The following FAR2 variants were observed in gnomAD, a reference collection of about 807,000 sequenced individuals.
The protein encoded by FAR2 is epididymis secretory protein Li 81.
A neutral mutation model predicts 56.0 loss-of-function variants in FAR2; 19 were observed. That is an observed-to-expected ratio of 0.34 (90% CI 0.24 to 0.50). FAR2 has a LOEUF of 0.50. Ranked by LOEUF, FAR2 falls within the 20% of genes least tolerant of loss-of-function variation. The pLI is 0.98. For synonymous variants in FAR2, 219 were observed against 218.8 expected (o/e 1.00, Z -0.01); for missense variants, 508 against 642.2 (o/e 0.79, Z 2.26).
At chr12:29,195,797 G>GT (rs1378921343) in intron 1 of FAR2, among the ~76,000 whole-genome samples, 2 of 152,062 alleles carry the variant, frequency 1.3e-5, no homozygotes, top group Non-Finnish European at 2.9e-5. Flanking sequence ...GGCTTTTAGT[G>GT]TAACTATCAC....
chr12:29,276,275 A>T (rs1948703383), intron 2 of FAR2, among the ~76,000 whole-genome samples: 1 of 152,178 alleles, frequency 6.6e-6, no homozygotes, highest in South Asian at 2.1e-4. Context: ...GTTAGGCTGT[A>T]TACTAAGTTA....
At chr12:29,200,764 A>C (rs530642029) in intron 1 of FAR2, among the ~76,000 whole-genome samples, 42 of 152,302 alleles carry the variant, frequency 2.8e-4, no homozygotes, top group Non-Finnish European at 1.6e-4. Context: ...CCTTTGATGT[A>C]CCGTGGGTGC....
At chr12:29,192,773 A>G (rs888305145) in intron 1 of FAR2, among the ~76,000 whole-genome samples, 6 of 152,204 alleles carry the variant, frequency 3.9e-5, no homozygotes, top group African/African-American at 1.4e-4. Context: ...TGTGTAAGGG[A>G]TGAGGTCGAT....
chr12:29,320,831 G>T (rs541996081), intron 9 of FAR2, among the ~76,000 whole-genome samples: 2 of 152,324 alleles, frequency 1.3e-5, no homozygotes, highest in South Asian at 4.1e-4. Flanking sequence ...TCTGGTCCAA[G>T]TCCTGACCAC....
At chr12:29,163,529 A>T (rs780737420) in intron 1 of FAR2, among the ~76,000 whole-genome samples, 9 of 152,232 alleles carry the variant, frequency 5.9e-5, no homozygotes, top group Non-Finnish European at 1.0e-4. Context: ...CATCAGATAA[A>T]CGACTAGATT....
intron 4 of FAR2, among the ~76,000 whole-genome samples, chr12:29,302,711 AT>A (rs1307659186): frequency 6.6e-6 from 1 of 152,150 alleles, no homozygotes; most frequent in Non-Finnish European, 1.5e-5. Flanking sequence ...TGTTTTCATC[AT>A]GGAAAAATAC....
chr12:29,150,231 T>C (rs1949671711), intron 1 of FAR2, among the ~76,000 whole-genome samples: 1 of 152,160 alleles, frequency 6.6e-6, no homozygotes, highest in Non-Finnish European at 1.5e-5. Context: ...CCCAATCGTA[T>C]CCTACAAACC....
intron 2 of FAR2, among the ~76,000 whole-genome samples, chr12:29,271,298 A>G (rs1948614404): frequency 6.6e-6 from 1 of 152,202 alleles, no homozygotes; most frequent in South Asian, 2.1e-4. Flanking sequence ...AGGCAGTATA[A>G]CCTTGGGTCT....
intron 2 of FAR2, among the ~76,000 whole-genome samples, chr12:29,278,626 G>T (rs935656925): frequency 1.3e-5 from 2 of 152,040 alleles, no homozygotes; most frequent in Admixed American, 1.3e-4. Flanking sequence ...GGGACTACAG[G>T]CATGAGCCAC....
chr12:29,220,059 A>G (rs925400182), intron 1 of FAR2, among the ~76,000 whole-genome samples: 2 of 152,222 alleles, frequency 1.3e-5, no homozygotes, highest in African/African-American at 4.8e-5. Flanking sequence ...CCTGCACATT[A>G]CAAATGATCC....
chr12:29,316,576 G>A (rs1162335024), intron 8 of FAR2, among the ~76,000 whole-genome samples: 7 of 152,152 alleles, frequency 4.6e-5, no homozygotes, highest in Admixed American at 1.3e-4. Flanking sequence ...GTACCTCCTT[G>A]TATTGACAAG....
chr12:29,209,129 C>T (rs779528741), intron 1 of FAR2, among the ~76,000 whole-genome samples: 3 of 151,250 alleles, frequency 2.0e-5, no homozygotes, highest in Non-Finnish European at 2.9e-5. Flanking sequence ...AGAAGACCCA[C>T]GGGGAATTTC....
chr12:29,224,912 A>C (rs983235559), intron 1 of FAR2, among the ~76,000 whole-genome samples: 1 of 152,212 alleles, frequency 6.6e-6, no homozygotes, highest in Non-Finnish European at 1.5e-5. Context: ...GCATATAAAA[A>C]TAACATGAAT....
At chr12:29,310,330 C>T (rs1241894327) in intron 6 of FAR2, among the ~76,000 whole-genome samples, 1 of 152,150 alleles carries the variant, frequency 6.6e-6, no homozygotes, top group East Asian at 1.9e-4. Flanking sequence ...AAGTGCTAAT[C>T]GTTGCAAATC....
chr12:29,191,444 C>G (rs2136607670), intron 1 of FAR2, among the ~76,000 whole-genome samples: 1 of 152,356 alleles, frequency 6.6e-6, no homozygotes, highest in East Asian at 1.9e-4. Flanking sequence ...TTATGTGTGG[C>G]TGAAGACATC....
At chr12:29,255,755 G>C (rs1290822440) in intron 1 of FAR2, among the ~76,000 whole-genome samples, 1 of 151,992 alleles carries the variant, frequency 6.6e-6, no homozygotes, top group African/African-American at 2.4e-5. Flanking sequence ...CTCCCAAGTA[G>C]CTCGGATTAC....
intron 4 of FAR2, among the ~76,000 whole-genome samples, chr12:29,299,213 C>CAAAAAAAAAAAAAAAAAAAAAAAAA (rs71042981): frequency 3.9e-5 from 4 of 103,572 alleles, no homozygotes; most frequent in African/African-American, 1.5e-4. Flanking sequence ...AACTTTGTCT[C>CAAAAAAAAAAAAAAAAAAAAAAAAA]AAAAAAAAAA....
At chr12:29,166,528 A>C (rs887076551) in intron 1 of FAR2, among the ~76,000 whole-genome samples, 1 of 152,322 alleles carries the variant, frequency 6.6e-6, no homozygotes, top group African/African-American at 2.4e-5. Flanking sequence ...CGTCACCTCC[A>C]GATTATTCCC....
rs535702099 is a variant in FAR2 at position 29,321,942 on chromosome 12, T to A, written c.1257+18T>A. The A allele has an allele frequency of 3.1e-6, 5 of 1,598,032 alleles. No individual in the cohort carries two copies. The African/African-American group carries it at 6.7e-5, about 22-fold the overall frequency. On this transcript the variant is annotated intron_variant, in intron 10 of 11. Coordinates refer to ENST00000536681, the MANE Select transcript of FAR2 (RefSeq NM_001271783.2). Reference sequence around the variant, plus strand: ...ACCAGAGAGTAAGTAGAGCACTGACTTAAGCACCAGGAAAATGCTACTCAC... The same window carrying A: ...ACCAGAGAGTAAGTAGAGCACTGACATAAGCACCAGGAAAATGCTACTCAC...
Sources: allele counts gnomAD v4.1 joint callset (sites outside exome capture counted in the v4.1 genomes callset), GRCh38; gene constraint gnomAD v4.1.1; transcripts MANE v1.5; gene names NCBI Gene and HGNC (gene_info 2026-07-23, HGNC 2026-07-21).